PHC2: variants seen among roughly 807,000 people sequenced by gnomAD.
PHC2 encodes polyhomeotic homolog 2, also known as polyhomeotic-like protein 2.
In PHC2, 29 loss-of-function variants were observed where a neutral mutation model predicts 87.4. That is an observed-to-expected ratio of 0.33 (90% CI 0.25 to 0.45). The LOEUF (loss-of-function observed/expected upper bound fraction) is 0.45. Among genes scored for constraint, PHC2 ranks in the 20% least tolerant of loss-of-function variants. The pLI is 1.00. For synonymous variants in PHC2, 438 were observed against 461.7 expected, an observed-to-expected ratio of 0.95 and a Z score of 0.66; for missense variants, 857 against 1,136.7, an observed-to-expected ratio of 0.75 and a Z score of 3.54.
At position 33,371,173 on chromosome 1, in the gene PHC2, T is replaced by C. The variant is rs1647809271; in HGVS notation, c.334-79A>G. The C allele has an allele frequency of 6.7e-6, 8 of 1,202,830 alleles. No homozygotes were observed. The Admixed American group carries it at 1.4e-4, about 20-fold the overall frequency. The allele number at this position is 1,202,830 out of a possible 1,614,324, so 74.5% of individuals were successfully genotyped here. A position where few individuals can be genotyped will look rare whatever the true frequency, so the allele number is the denominator to read the frequency against. ...CTGGGCTCTCATCATCCACAGGAGG[T>C]GCTGCAGGCTGGTGTTAAGGACAAC... is the stretch of plus-strand genomic sequence containing the variant. On this transcript the variant is annotated intron_variant, in intron 3 of 14. Transcript: ENST00000683057.
chr1:33,335,117 C>T (rs1646595366), intron 9 of PHC2: 1 of 856,576 alleles, frequency 1.2e-6, no homozygotes, highest in Non-Finnish European at 1.4e-6. Context: ...GCCTGCTAGC[C>T]TTCCTCTAAA....
rs967738448 is a variant in PHC2, at chr1:33,334,727, T to C, written c.1559-435A>G. Among the ~76,000 whole-genome samples, 1 of 152,056 alleles carries C rather than the reference T, an allele frequency of 6.6e-6. No individual in the cohort carries two copies. The highest frequency in any genetic ancestry group is 1.5e-5 in the Non-Finnish European group (1 of 68,024). On this transcript the variant is annotated intron_variant, in intron 9 of 14. Coordinates refer to ENST00000683057, the MANE Select transcript of PHC2 (RefSeq NM_001385109.1). This position sits in a 1 kb window ranked among gnomAD's most constrained non-coding sequence, Gnocchi z 5.5. ...GCTGAGCTAGGTATAGGGCTTTGAG[T>C]GTGATAAAGAGAAGCTTCTACGAGG... is the stretch of plus-strand genomic sequence containing the variant.
rs546574345 is a variant in PHC2 at position 33,349,466 on chromosome 1, C to G, written c.1558+4935G>C. The G allele has an allele frequency of 3.0e-6, 3 of 985,286 alleles. No homozygotes were observed. The East Asian group carries it at 3.4e-4, about 112-fold the overall frequency. 61.0% of individuals were successfully genotyped at this position (985,286 alleles called of 1,614,324 possible). The stretch of plus-strand genomic sequence containing the variant: ...GGCGCCGCGCGGACGAGAGCCGCGA[C>G]TGGCACGGCCTGGCAGCCGCGTAGG... On this transcript the variant is annotated intron_variant, in intron 9 of 14. Transcript: ENST00000683057. This position sits in a 1 kb window ranked among gnomAD's most constrained non-coding sequence, Gnocchi z 4.2.
chr1:33,372,564 T>TAGGGCA (rs747828782), intron 2 of PHC2, 117 bp from the exon 3 acceptor site: 27 of 865,746 alleles, frequency 3.1e-5, no homozygotes, highest in South Asian at 5.9e-5. Context: ...CACCAAGATC[T>TAGGGCA]GTGACCACCA....
intron 1 of PHC2, among the ~76,000 whole-genome samples, chr1:33,409,631 C>G (rs1365021263): frequency 6.6e-6 from 1 of 152,166 alleles, no homozygotes; most frequent in African/African-American, 2.4e-5. Context: ...CTCAGACCAG[C>G]CCTTTCCAGG....
intron 9 of PHC2, 30 bp downstream of exon 9, chr1:33,354,371 C>A: frequency 1.3e-6 from 2 of 1,581,078 alleles, no homozygotes; most frequent in African/African-American, 1.4e-5. Flanking sequence ...AACTTCCTCC[C>A]CTCCCCCAGG....
chr1:33,390,665 T>C (rs1649001727), intron 1 of PHC2, among the ~76,000 whole-genome samples: 1 of 148,404 alleles, frequency 6.7e-6, no homozygotes, highest in Admixed American at 6.7e-5. Context: ...GAAAAGCACA[T>C]AAATATAACA....
intron 1 of PHC2, among the ~76,000 whole-genome samples, chr1:33,420,333 G>T (rs1210787675): frequency 6.6e-6 from 1 of 152,176 alleles, no homozygotes; most frequent in Non-Finnish European, 1.5e-5. Context: ...AACTTTGGGG[G>T]AGGGAAACGC....
Position 33,332,682 on chromosome 1 carries a change from C to CT in PHC2, c.1762-279dup, listed in dbSNP as rs1321295306. Among the ~76,000 whole-genome samples the CT allele has an allele frequency of 1.3e-5, 2 of 152,174 alleles. No individual in the cohort carries two copies. Among genetic ancestry groups the CT allele is most frequent in the Non-Finnish European group, 1.5e-5 (1 of 68,040 alleles). On this transcript the variant is annotated intron_variant, in intron 10 of 14. Transcript: ENST00000683057. The surrounding 1 kb of genome is among the most constrained non-coding windows in gnomAD (Gnocchi z 4.2). ...GGAAAATGTCTATTCCAGTAAGAGT[C>CT]TAAGGGCTGAGATCAGGTTTCCCAC...
chr1:33,394,001 G>A (rs1001015338), intron 1 of PHC2, among the ~76,000 whole-genome samples: 3 of 152,198 alleles, frequency 2.0e-5, no homozygotes, highest in African/African-American at 4.8e-5. Flanking sequence ...TGTTCAGAAA[G>A]GCAGAGTTAA....
At chr1:33,385,372 G>A (rs1187206209) in intron 1 of PHC2, among the ~76,000 whole-genome samples, 1 of 152,186 alleles carries the variant, frequency 6.6e-6, no homozygotes, top group Non-Finnish European at 1.5e-5. Context: ...TTAGAAAAGG[G>A]GAGAGACGTT....
chr1:33,345,959 T>C (rs1456222263), intron 9 of PHC2: 2 of 984,862 alleles, frequency 2.0e-6, no homozygotes, highest in African/African-American at 1.7e-5. Context: ...TTATCTTAAA[T>C]AGGCAACTTT....
At chr1:33,418,697 C>T (rs2148401703) in intron 1 of PHC2, among the ~76,000 whole-genome samples, 1 of 152,260 alleles carries the variant, frequency 6.6e-6, no homozygotes, top group East Asian at 1.9e-4. Flanking sequence ...ACTATATAAA[C>T]TCTTCTGGAA....
intron 13 of PHC2, 70 bp downstream of exon 13, chr1:33,330,001 T>C (rs1362765214): frequency 2.6e-6 from 4 of 1,547,354 alleles, no homozygotes; most frequent in Admixed American, 1.8e-5. Flanking sequence ...GGGACCGTGG[T>C]GTCGAGGGCC....
At chr1:33,403,750 G>A (rs1043926723) in intron 1 of PHC2, among the ~76,000 whole-genome samples, 6 of 152,084 alleles carry the variant, frequency 3.9e-5, no homozygotes, top group African/African-American at 1.4e-4. Flanking sequence ...TGTCACTAAA[G>A]GTAATAAACA....
intron 9 of PHC2, chr1:33,350,490 C>A (rs1041126510): frequency 7.9e-5 from 12 of 152,316 alleles, no homozygotes; most frequent in African/African-American, 2.7e-4. Context: ...GGTGAACCTG[C>A]GCTGTCGTGG....
intron 9 of PHC2, chr1:33,347,104 T>C (rs907524290): frequency 1.1e-5 from 11 of 985,400 alleles, no homozygotes; most frequent in Non-Finnish European, 1.3e-5. Flanking sequence ...GGAAAAAGGA[T>C]GTGGTCTGAA....
At chr1:33,389,202 G>A (rs1030281686) in intron 1 of PHC2, among the ~76,000 whole-genome samples, 1 of 152,084 alleles carries the variant, frequency 6.6e-6, no homozygotes, top group Non-Finnish European at 1.5e-5. Context: ...CGAAAGAGAC[G>A]AAGCTAGTTG....
intron 1 of PHC2, among the ~76,000 whole-genome samples, chr1:33,409,191 T>A (rs1481040299): frequency 1.3e-5 from 2 of 152,202 alleles, no homozygotes; most frequent in African/African-American, 4.8e-5. Flanking sequence ...TCCATGTTTA[T>A]TAATTTATCT....
Sources: allele counts gnomAD v4.1 joint callset (sites outside exome capture counted in the v4.1 genomes callset), GRCh38; gene constraint gnomAD v4.1.1; non-coding constraint Gnocchi (gnomAD v3.1); transcripts MANE v1.5; gene names NCBI Gene and HGNC (gene_info 2026-07-23, HGNC 2026-07-21).